The following UBE2F variants were observed in gnomAD, a reference collection of about 807,000 sequenced individuals.
UBE2F encodes the protein ubiquitin conjugating enzyme E2 F (putative), also known as NEDD8-conjugating enzyme UBE2F.
In UBE2F, 5 loss-of-function variants were observed where a neutral mutation model predicts 29.6. That is an observed-to-expected ratio of 0.17 (90% confidence interval 0.09 to 0.36). UBE2F has a LOEUF of 0.36. Among genes scored for constraint, UBE2F ranks in the 10% least tolerant of loss-of-function variants. UBE2F has a pLI of 1.00. For synonymous variants in UBE2F, 66 were observed against 81.8 expected, an observed-to-expected ratio of 0.81 and a Z score of 1.04; for missense variants, 141 against 228.5, an observed-to-expected ratio of 0.62 and a Z score of 2.47.
At chr2:238,030,224 A>G (rs1324283749) in intron 6 of UBE2F, among the ~76,000 whole-genome samples, 1 of 152,178 alleles carries the variant, frequency 6.6e-6, no homozygotes, top group Non-Finnish European at 1.5e-5. Flanking sequence ...ATGAGCCACC[A>G]TACCCAGCCA....
intron 2 of UBE2F, among the ~76,000 whole-genome samples, chr2:237,975,139 A>G (rs116073349): frequency 0.02 from 2,942 of 149,946 alleles, 94 homozygotes; most frequent in African/African-American, 0.069. Flanking sequence ...CTCTTACTCT[A>G]TCACCAGCCT....
chr2:238,011,430 T>A (rs979489364), intron 4 of UBE2F, among the ~76,000 whole-genome samples: 1 of 152,222 alleles, frequency 6.6e-6, no homozygotes, highest in Non-Finnish European at 1.5e-5. Flanking sequence ...TTTCTACTCC[T>A]TCTATTATAT....
At chr2:237,998,682 GA>G (rs1170515899) in intron 4 of UBE2F, among the ~76,000 whole-genome samples, 1 of 151,250 alleles carries the variant, frequency 6.6e-6, no homozygotes, top group East Asian at 1.9e-4. Context: ...CCTAAGAGTG[GA>G]ATTTTTGAGT....
chr2:237,996,472 CCG>C (rs372379531), intron 4 of UBE2F, among the ~76,000 whole-genome samples: 10,202 of 126,728 alleles, frequency 0.081, 1,202 homozygotes, highest in African/African-American at 0.29. Context: ...CGCCTCCCCT[CCG>C]CGTTTTTTTT....
At chr2:237,989,259 A>G (rs1332129463) in intron 3 of UBE2F, among the ~76,000 whole-genome samples, 2 of 152,212 alleles carry the variant, frequency 1.3e-5, no homozygotes, top group African/African-American at 4.8e-5. Flanking sequence ...GGCCCATTCC[A>G]GCCTCCATCT....
At position 238,004,759 on chromosome 2, in the gene UBE2F, C is replaced by G. The variant is rs78266706; in HGVS notation, c.214+9950C>G. ...GATTGTCCTGGAGTTTCTAGGTGGA[C>G]CCAGTGTAATTACAGGGATCCTTAA... On this transcript the variant is annotated intron_variant, in intron 4 of 9. Transcript: ENST00000272930. 1.2e-4 allele frequency among the ~76,000 whole-genome samples: 19 copies of G among 152,044 alleles called. No individual in the cohort carries two copies. In the East Asian group the frequency reaches 3.1e-3, roughly 25 times the overall value.
At chr2:237,975,700 A>C (rs916321671) in intron 2 of UBE2F, among the ~76,000 whole-genome samples, 2 of 152,058 alleles carry the variant, frequency 1.3e-5, no homozygotes, top group African/African-American at 4.8e-5. Flanking sequence ...ATGCAGTGGC[A>C]TGATCTCGGC....
chr2:238,020,716 C>T (rs2064271631), intron 5 of UBE2F, among the ~76,000 whole-genome samples: 1 of 152,226 alleles, frequency 6.6e-6, no homozygotes, highest in Non-Finnish European at 1.5e-5. Flanking sequence ...GTTCCTTTGC[C>T]TCTGCAGTTT....
chr2:238,022,393 TC>T (rs1173517471), intron 5 of UBE2F, among the ~76,000 whole-genome samples: 9 of 152,346 alleles, frequency 5.9e-5, no homozygotes, highest in African/African-American at 2.2e-4. Context: ...TATTTGTTTT[TC>T]TTCTAGATTT....
intron 7 of UBE2F, 38 bp downstream of exon 7, chr2:238,030,651 C>A: frequency 6.5e-7 from 1 of 1,532,312 alleles, no homozygotes; most frequent in Non-Finnish European, 9.0e-7. Flanking sequence ...TAAGTTGTCC[C>A]TGTGGTCCTC....
intron 9 of UBE2F, among the ~76,000 whole-genome samples, chr2:238,038,908 G>A (rs370884447): frequency 1.3e-5 from 2 of 152,326 alleles, no homozygotes; most frequent in African/African-American, 2.4e-5. Context: ...TCCCTGTGGC[G>A]CACACATTCC....
At chr2:238,026,449 T>G (rs777716165) in intron 6 of UBE2F, among the ~76,000 whole-genome samples, 11 of 152,204 alleles carry the variant, frequency 7.2e-5, no homozygotes, top group Non-Finnish European at 1.3e-4. Context: ...TCTCTTTTTT[T>G]TTGAGATGGA....
chr2:238,002,943 G>A (rs1250184035), intron 4 of UBE2F, among the ~76,000 whole-genome samples: 2 of 152,130 alleles, frequency 1.3e-5, no homozygotes, highest in Non-Finnish European at 2.9e-5. Context: ...ACGCATGAAT[G>A]TTTTGGAACA....
intron 4 of UBE2F, among the ~76,000 whole-genome samples, chr2:238,000,797 T>C (rs1004837006): frequency 4.6e-5 from 7 of 152,226 alleles, no homozygotes; most frequent in Admixed American, 3.3e-4. Context: ...CCAGTTTCTC[T>C]ATATTCTTAC....
intron 9 of UBE2F, among the ~76,000 whole-genome samples, chr2:238,036,165 TTTTTG>T (rs1359018627): frequency 6.6e-6 from 1 of 152,096 alleles, no homozygotes; most frequent in Non-Finnish European, 1.5e-5. Flanking sequence ...GTTTTTTTGT[TTTTTG>T]TTTTGTTTTG....
intron 2 of UBE2F, chr2:237,973,791 TGA>T (rs2063219615): frequency 3.2e-6 from 3 of 940,508 alleles, no homozygotes; most frequent in Admixed American, 3.3e-5. Flanking sequence ...GTAAAATGTA[TGA>T]GAGTATGCGT....
intron 1 of UBE2F, among the ~76,000 whole-genome samples, chr2:237,972,852 C>T (rs1218203415): frequency 6.6e-6 from 1 of 152,104 alleles, no homozygotes. Context: ...CGTGCCCAGC[C>T]ATGACTCTCT....
At chr2:237,968,791 C>G in intron 1 of UBE2F, 2 of 961,462 alleles carry the variant, frequency 2.1e-6, no homozygotes, top group South Asian at 4.8e-5. Flanking sequence ...AACAGCTGAT[C>G]TGTTACCGAA....
At chr2:238,030,789 C>T (rs1367462105) in intron 7 of UBE2F, among the ~76,000 whole-genome samples, 176 bp downstream of exon 7, 2 of 152,216 alleles carry the variant, frequency 1.3e-5, no homozygotes, top group African/African-American at 4.8e-5. Context: ...TCACTGACCT[C>T]GGTCAGTTTG....
Sources: gnomAD v4.1 joint callset for allele counts (sites outside exome capture counted in the v4.1 genomes callset) on GRCh38, gnomAD v4.1.1 for gene constraint, MANE v1.5 for transcripts, NCBI Gene and HGNC (gene_info 2026-07-23, HGNC 2026-07-21) for gene names.